FGF12: variants seen among roughly 807,000 people sequenced by gnomAD.
FGF12 encodes fibroblast growth factor 12, also known as fibroblast growth factor 12B.
Under a neutral mutation model 23.6 loss-of-function variants are expected in FGF12, and 14 were observed. That is an observed-to-expected ratio of 0.59 (90% CI 0.39 to 0.93). The LOEUF (loss-of-function observed/expected upper bound fraction) is 0.93, where lower values mean the gene tolerates loss of function less well. Among genes scored for constraint, FGF12 ranks in the 40% least tolerant of loss-of-function variants. The pLI is 0.00. For missense variants in FGF12, 175 were observed against 217.8 expected (o/e 0.80, Z 1.24); for synonymous variants, 62 against 77.3 (o/e 0.80, Z 1.04).
rs368588683 is a variant in FGF12 at position 192,299,050 on chromosome 3, C to T, written c.228+36311G>A. ...GACCTGAACACCTCCCACCAGGCCC[C>T]GCCTCCAACAGTGCAGATCAAATTT... On this transcript the variant is annotated intron_variant, in intron 4 of 5. Transcript: ENST00000445105. 2.1e-4 allele frequency among the ~76,000 whole-genome samples: 32 copies of T among 152,294 alleles called. 1 individual carries two copies. The highest frequency in any genetic ancestry group is 1.4e-3 in the Admixed American group (21 of 15,294).
In FGF12 at chr3:192,533,997, T is replaced by G. The variant is rs193301892; in HGVS notation, c.14-173459A>C. ...GAATTTTTATAAGATGACAGGGTTT[T>G]TTTTTTTTTCATATCAGATGGGTAA... On this transcript the variant is annotated intron_variant, in intron 2 of 5. Coordinates refer to ENST00000445105, the MANE Select transcript of FGF12 (RefSeq NM_004113.6). 103 of 154,452 alleles carry G rather than the reference T, an allele frequency of 6.7e-4. 1 individual carries two copies. In the South Asian group the frequency reaches 0.015, roughly 23 times the overall value. The allele number at this position is 154,452 out of a possible 1,614,324, so 9.6% of individuals were successfully genotyped here.
intron 2 of FGF12, among the ~76,000 whole-genome samples, chr3:192,682,843 T>C (rs1398856323): frequency 6.6e-6 from 1 of 152,202 alleles, no homozygotes; most frequent in East Asian, 1.9e-4. Flanking sequence ...ACTTCGTTCA[T>C]GTGGCCAATG....
intron 2 of FGF12, among the ~76,000 whole-genome samples, chr3:192,558,488 C>G (rs556801643): frequency 1.4e-4 from 21 of 151,828 alleles, no homozygotes; most frequent in Admixed American, 3.9e-4. Context: ...ATTAATATTG[C>G]TAAAATGTCG....
At chr3:192,472,173 C>T (rs1457125765) in intron 2 of FGF12, among the ~76,000 whole-genome samples, 3 of 152,000 alleles carry the variant, frequency 2.0e-5, no homozygotes, top group East Asian at 1.9e-4. Context: ...CCTGCCACCA[C>T]GCCCGGCTAA....
intron 4 of FGF12, among the ~76,000 whole-genome samples, chr3:192,280,041 A>C (rs1252225539): frequency 6.6e-6 from 1 of 152,264 alleles, no homozygotes; most frequent in Non-Finnish European, 1.5e-5. Context: ...GCAATCAAAA[A>C]TATGTTTTAT....
Position 192,329,303 on chromosome 3 carries a change from T to C in FGF12, c.228+6058A>G, listed in dbSNP as rs901683649. Among the ~76,000 whole-genome samples, 6 of 152,302 alleles carry C rather than the reference T, an allele frequency of 3.9e-5. No homozygotes were observed. The East Asian group carries it at 1.2e-3, about 29-fold the overall frequency. On this transcript the variant is annotated intron_variant, in intron 4 of 5. Coordinates refer to ENST00000445105, the MANE Select transcript of FGF12 (RefSeq NM_004113.6). ...TTGAGCTGAGCTTTAAGGAAAATTA[T>C]GAATTACATAGGTACAGAAGAGAAA... is the stretch of plus-strand genomic sequence containing the variant.
At chr3:192,346,948 A>G (rs1035861354) in intron 3 of FGF12, among the ~76,000 whole-genome samples, 6 of 152,176 alleles carry the variant, frequency 3.9e-5, no homozygotes, top group Non-Finnish European at 4.4e-5. Context: ...TCAAAGTTAT[A>G]ATAATACAAA....
chr3:192,720,252 A>T lies in FGF12; in HGVS notation c.13+6929T>A, dbSNP rs146146451. On this transcript the variant is annotated intron_variant, in intron 2 of 5. Coordinates refer to ENST00000445105, the MANE Select transcript of FGF12 (RefSeq NM_004113.6). Reference sequence around the variant, plus strand: ...CACTTTCAATTATGTGTGCTTTTTCAATCATTAGTAATGGGGCTTGTTTCA... The same window carrying T: ...CACTTTCAATTATGTGTGCTTTTTCTATCATTAGTAATGGGGCTTGTTTCA... 8.3e-4 allele frequency among the ~76,000 whole-genome samples: 126 copies of T among 152,342 alleles called. 3 individuals carry two copies. The East Asian group carries it at 0.02, about 24-fold the overall frequency.
At chr3:192,307,365 A>G (rs1324795225) in intron 4 of FGF12, among the ~76,000 whole-genome samples, 2 of 152,228 alleles carry the variant, frequency 1.3e-5, no homozygotes, top group African/African-American at 2.4e-5. Flanking sequence ...CGCTTTAGGT[A>G]ATGAAGTTCT....
At chr3:192,726,310 AGT>A (rs146690494) in intron 2 of FGF12, among the ~76,000 whole-genome samples, 5,329 of 152,316 alleles carry the variant, frequency 0.035, 154 homozygotes, top group Non-Finnish European at 0.052. Context: ...AAATACATCC[AGT>A]ATGCCTCCTG....
chr3:192,369,578 A>G (rs1174650720), intron 2 of FGF12, among the ~76,000 whole-genome samples: 1 of 152,242 alleles, frequency 6.6e-6, no homozygotes, highest in East Asian at 1.9e-4. Flanking sequence ...AAACTGAGCT[A>G]AGATGTGAAA....
chr3:192,502,659 T>A (rs1206442525), intron 2 of FGF12, among the ~76,000 whole-genome samples: 1 of 152,200 alleles, frequency 6.6e-6, no homozygotes, highest in Non-Finnish European at 1.5e-5. Context: ...GACCATGCCC[T>A]GTGGTACAAG....
intron 2 of FGF12, among the ~76,000 whole-genome samples, chr3:192,659,147 T>C (rs776438243): frequency 6.6e-6 from 1 of 152,184 alleles, no homozygotes; most frequent in Non-Finnish European, 1.5e-5. Flanking sequence ...TATTCTAAAA[T>C]GATCCCAGAA....
At chr3:192,165,085 C>A (rs1005833553) in intron 5 of FGF12, among the ~76,000 whole-genome samples, 2 of 151,892 alleles carry the variant, frequency 1.3e-5, no homozygotes, top group Non-Finnish European at 2.9e-5. Flanking sequence ...TCCCAAGTAG[C>A]GGGGATTACA....
intron 2 of FGF12, among the ~76,000 whole-genome samples, chr3:192,711,321 C>CGGGA (rs1475586264): frequency 1.4e-5 from 2 of 147,386 alleles, no homozygotes; most frequent in South Asian, 2.2e-4. Context: ...CCGCCCCATC[C>CGGGA]GGGAGGTGGG....
rs907859777 is a variant in FGF12, at chr3:192,297,193, G to A, written c.228+38168C>T. On this transcript the variant is annotated intron_variant, in intron 4 of 5. Transcript: ENST00000445105. ...AACCTATTTGGTTAGAATTTCCCACGATTTGCGTCATAGCCCACAAACAAG... is the reference window on the plus strand; with the variant it reads ...AACCTATTTGGTTAGAATTTCCCACAATTTGCGTCATAGCCCACAAACAAG... Among the ~76,000 whole-genome samples the A allele has an allele frequency of 1.1e-4, 16 of 152,248 alleles. 2 individuals are homozygous for A. Among genetic ancestry groups the A allele is most frequent in the African/African-American group, 1.2e-4 (5 of 41,550 alleles).
chr3:192,665,273 G>A (rs542900410), intron 2 of FGF12, among the ~76,000 whole-genome samples: 1 of 152,180 alleles, frequency 6.6e-6, no homozygotes, highest in East Asian at 1.9e-4. Context: ...ACTTCATCAT[G>A]GTTCATGGAA....
chr3:192,200,783 C>T (rs1351647621), intron 4 of FGF12, among the ~76,000 whole-genome samples: 2 of 152,124 alleles, frequency 1.3e-5, no homozygotes. Context: ...GATTTAGTTT[C>T]TCTAGCAAGG....
chr3:192,308,147 G>A (rs1004897409), intron 4 of FGF12, among the ~76,000 whole-genome samples: 1 of 152,090 alleles, frequency 6.6e-6, no homozygotes, highest in South Asian at 2.1e-4. Flanking sequence ...ACCATTAAAA[G>A]CTTTTAAGAA....
Sources: gnomAD v4.1 joint callset for allele counts (sites outside exome capture counted in the v4.1 genomes callset) on GRCh38, gnomAD v4.1.1 for gene constraint, MANE v1.5 for transcripts, NCBI Gene and HGNC (gene_info 2026-07-23, HGNC 2026-07-21) for gene names.